GCC1: variants seen among roughly 807,000 people sequenced by gnomAD.
GCC1 encodes GRIP and coiled-coil domain containing 1, also known as GRIP and coiled-coil domain-containing protein 1.
GCC1 carries 36 observed loss-of-function variants against 62.5 expected under a neutral mutation model. The ratio of observed to expected loss-of-function variants is 0.58; its 90% confidence interval spans 0.44 to 0.76. GCC1 has a LOEUF of 0.76. Ranked by LOEUF, GCC1 falls within the 30% of genes least tolerant of loss-of-function variation. The pLI, the probability that GCC1 is intolerant of heterozygous loss-of-function variation, is 0.00. For synonymous variants in GCC1, 391 were observed against 386.8 expected (o/e 1.01, Z -0.13); for missense variants, 885 against 948.3 (o/e 0.93, Z 0.88).
rs1396097387 is a variant in GCC1, at chr7:127,584,477, G to C, written c.706C>G (p.Arg236Gly). ...KARLITQQHDRAQEQSDHALM... is the reference protein window; with the variant it reads ...KARLITQQHDGAQEQSDHALM... The stretch of plus-strand genomic sequence containing the variant: ...GCATGGTCACTCTGCTCTTGGGCCC[G>C]ATCATGCTGCTGCGTGATAAGCCGG... The change falls in exon 1 of 2, where the codon CGG (arginine) becomes GGG (glycine). Residue 236 changes from arginine to glycine, a missense_variant. Arg to Gly is a moderately radical substitution (Grantham distance 125). Transcript: ENST00000321407. 1 of 1,613,978 alleles carries C rather than the reference G, an allele frequency of 6.2e-7. No homozygotes were observed. Among genetic ancestry groups the C allele is most frequent in the South Asian group, 1.1e-5 (1 of 91,078 alleles).
chr7:127,582,416 T>C lies in GCC1; in HGVS notation c.1926A>G (p.Ala642=), dbSNP rs531835575. The C allele has an allele frequency of 1.2e-6, 2 of 1,614,084 alleles. No individual in the cohort carries two copies. The highest frequency in any genetic ancestry group is 1.7e-6 in the Non-Finnish European group (2 of 1,180,046). The part of the protein sequence containing the change: ...DTSSSDSLTQ[A]LQLAAANEPT... ...GCTCATTGGCCGCTGCAAGTTGTAA[T>C]GCTTGGGTCAGGCTATCAGAGGATG... The change falls in exon 2 of 2, where the codon GCA becomes GCG. Residue 642 remains alanine, a synonymous_variant. Transcript: ENST00000321407. The surrounding 1 kb of genome is among the most constrained non-coding windows in gnomAD (Gnocchi z 4.8).
chr7:127,584,085 A>G (rs1175558886), intron 1 of GCC1, 66 bp downstream of exon 1: 9 of 1,443,480 alleles, frequency 6.2e-6, no homozygotes, highest in South Asian at 2.5e-5. Flanking sequence ...GCAAAGGAGG[A>G]AAAAAACCCT....
At position 127,585,259 on chromosome 7, in the gene GCC1, T is replaced by A; in HGVS notation, c.-77A>T. The A allele has an allele frequency of 1.5e-6, 2 of 1,378,712 alleles. No individual in the cohort carries two copies. The highest frequency in any genetic ancestry group is 2.0e-6 in the Non-Finnish European group (2 of 1,018,472). 85.4% of individuals were successfully genotyped at this position (1,378,712 alleles called of 1,614,324 possible). Reference sequence around the variant, plus strand: ...GGCCGTGAAGACGCAGGCGGGGGCTTAAAGAAACAGCGAGCGGGCTGTCCG... The same window carrying A: ...GGCCGTGAAGACGCAGGCGGGGGCTAAAAGAAACAGCGAGCGGGCTGTCCG... On this transcript the variant is annotated 5_prime_UTR_variant, in exon 1 of 2. Coordinates refer to ENST00000321407, the MANE Select transcript of GCC1 (RefSeq NM_024523.6).
rs1794174650 is a variant in GCC1, at chr7:127,584,422, A to G, written c.761T>C (p.Leu254Pro). The G allele has an allele frequency of 1.2e-6, 2 of 1,613,896 alleles. No individual in the cohort carries two copies. Among genetic ancestry groups the G allele is most frequent in the Non-Finnish European group, 1.7e-6 (2 of 1,179,986 alleles). Residue 254 changes from leucine to proline, a missense_variant, in exon 1 of 2, where the codon CTG becomes CCG. Leu to Pro is a moderately conservative substitution (Grantham distance 98, BLOSUM62 -3). Transcript: ENST00000321407. ...ALMLRELQKL[L>P]QEERTQRQDL... ...CTGGCGCTGGGTCCTCTCCTCCTGC[A>G]GCAGCTTCTGGAGCTCACGCAGCAT... is the stretch of plus-strand genomic sequence containing the variant.
rs200740651 is a variant in GCC1 at position 127,583,004 on chromosome 7, C to T, written c.1338G>A (p.Ala446=). 70 of 1,614,126 alleles carry T rather than the reference C, an allele frequency of 4.3e-5. 1 individual carries two copies. The Middle Eastern group carries it at 9.9e-4, about 23-fold the overall frequency. ...CCAGGGTCACCTGGCTTTTCCTGGC[C>T]GCAACCTGCAGCAGCCTCTTCAGCT... The part of the protein sequence containing the change: ...MEKLKRLLQV[A]ARKSQVTLDV... Residue 446 remains alanine (A), a synonymous_variant, in exon 2 of 2, where the codon GCG becomes GCA. Coordinates refer to ENST00000321407, the MANE Select transcript of GCC1 (RefSeq NM_024523.6).
In GCC1 at chr7:127,583,282, G is replaced by A. The variant is rs1301057411; in HGVS notation, c.1060C>T (p.Gln354Ter). Reference sequence around the variant, plus strand: ...CTCTGTTCTTCTACCTGAGATTGCTGACGGAGTTGATCCTCTGCAAGAGCT... The same window carrying A: ...CTCTGTTCTTCTACCTGAGATTGCTAACGGAGTTGATCCTCTGCAAGAGCT... ...KTALAEDQLR[Q>*]QSQVEEQRVA... Residue 354 changes from glutamine to a stop codon, truncating the protein, a stop_gained, in exon 2 of 2, where the codon CAG becomes TAG. Coordinates refer to ENST00000321407, the MANE Select transcript of GCC1 (RefSeq NM_024523.6). LOFTEE classifies it high-confidence loss of function. 6 of 1,606,050 alleles carry A rather than the reference G, an allele frequency of 3.7e-6. No homozygotes were observed. The highest frequency in any genetic ancestry group is 5.1e-6 in the Non-Finnish European group (6 of 1,175,086).
rs1286631063 is a variant in GCC1, at chr7:127,581,860, T to G, written c.*154A>C. 4.7e-6 allele frequency: 3 copies of G among 636,422 alleles called. 1 individual carries two copies. Among genetic ancestry groups the G allele is most frequent in the Admixed American group, 5.8e-5 (2 of 34,214 alleles). 39.4% of individuals were successfully genotyped at this position (636,422 alleles called of 1,614,324 possible). On this transcript the variant is annotated 3_prime_UTR_variant, in exon 2 of 2. Coordinates refer to ENST00000321407, the MANE Select transcript of GCC1 (RefSeq NM_024523.6). Reference sequence around the variant, plus strand: ...AAGGATAAAGCAGCATTAATGGCATTTGGCAGAAAATCCCTTCCCACATTG... The same window carrying G: ...AAGGATAAAGCAGCATTAATGGCATGTGGCAGAAAATCCCTTCCCACATTG...
Position 127,585,565 on chromosome 7 carries a change from C to T in GCC1, c.-383G>A. On this transcript the variant is annotated 5_prime_UTR_variant, in exon 1 of 2. The change creates a new upstream start codon in the 5' untranslated region. Coordinates refer to ENST00000321407, the MANE Select transcript of GCC1 (RefSeq NM_024523.6). The stretch of plus-strand genomic sequence containing the variant: ...GGTTACGCTGAGCTCGGTCCCATCA[C>T]GACATCCTAACTAAAGCTGCCTGCC... 5.2e-6 allele frequency: 1 copy of T among 192,676 alleles called. No homozygotes were observed. Among genetic ancestry groups the T allele is most frequent in the South Asian group, 1.4e-4 (1 of 7,192 alleles). The allele number at this position is 192,676 out of a possible 1,614,324, so 11.9% of individuals were successfully genotyped here.
rs1794186806 is a variant in GCC1 at position 127,585,183 on chromosome 7, G to C, written c.-1C>G. 2 of 1,593,284 alleles carry C rather than the reference G, an allele frequency of 1.3e-6. No homozygotes were observed. Among genetic ancestry groups the C allele is most frequent in the Non-Finnish European group, 1.7e-6 (2 of 1,169,808 alleles). On this transcript the variant is annotated 5_prime_UTR_variant, in exon 1 of 2. Coordinates refer to ENST00000321407, the MANE Select transcript of GCC1 (RefSeq NM_024523.6). ...CGAAATTCATCCCAAACTTCTCCAT[G>C]GAGGGTCTGAACGGATTGCCCCACG...
Position 127,585,216 on chromosome 7 carries a change from T to C in GCC1, c.-34A>G. The C allele has an allele frequency of 6.5e-7, 1 of 1,536,698 alleles. No homozygotes were observed. ...TGAACGGATTGCCCCACGTCAGCTT[T>C]CCAGCAGAACGGGAGAGGGCCGTGA... On this transcript the variant is annotated 5_prime_UTR_variant, in exon 1 of 2. Coordinates refer to ENST00000321407, the MANE Select transcript of GCC1 (RefSeq NM_024523.6).
At position 127,582,301 on chromosome 7, in the gene GCC1, C is replaced by T. The variant is rs2117403188; in HGVS notation, c.2041G>A (p.Val681Met). ...RKQKHRLEVEVHQLQDRLLEE... is the reference protein window; with the variant it reads ...RKQKHRLEVEMHQLQDRLLEE... Reference sequence around the variant, plus strand: ...AGCAGCCGATCCTGCAGCTGATGCACCTCGACCTCCAGCCTGTGCTTCTGC... The same window carrying T: ...AGCAGCCGATCCTGCAGCTGATGCATCTCGACCTCCAGCCTGTGCTTCTGC... Residue 681 changes from valine to methionine, a missense_variant, in exon 2 of 2, where the codon GTG becomes ATG. Physicochemically the swap from Val to Met is conservative, Grantham distance 21. Transcript: ENST00000321407. This position sits in a 1 kb window ranked among gnomAD's most constrained non-coding sequence, Gnocchi z 4.8. 1 of 1,614,232 alleles carries T rather than the reference C, an allele frequency of 6.2e-7. No homozygotes were observed.
Position 127,585,277 on chromosome 7 carries a change from G to T in GCC1, c.-95C>A. ...GGGGGCTTAAAGAAACAGCGAGCGGGCTGTCCGGCGGCGGGCCGCACACCT... is the reference window on the plus strand; with the variant it reads ...GGGGGCTTAAAGAAACAGCGAGCGGTCTGTCCGGCGGCGGGCCGCACACCT... On this transcript the variant is annotated 5_prime_UTR_variant, in exon 1 of 2. Transcript: ENST00000321407. The T allele has an allele frequency of 1.6e-6, 2 of 1,223,026 alleles. No homozygotes were observed. The highest frequency in any genetic ancestry group is 2.3e-6 in the Non-Finnish European group (2 of 883,342). 75.8% of individuals were successfully genotyped at this position (1,223,026 alleles called of 1,614,324 possible).
Position 127,582,692 on chromosome 7 carries a change from A to C in GCC1, c.1650T>G (p.Asp550Glu), listed in dbSNP as rs1461122031. The part of the protein sequence containing the change: ...ELEHQHQQEA[D>E]DWKQELARLQ... Reference sequence around the variant, plus strand: ...GCCGGGCCAGCTCCTGCTTCCAGTCATCAGCCTCCTGCTGGTGTTGGTGCT... The same window carrying C: ...GCCGGGCCAGCTCCTGCTTCCAGTCCTCAGCCTCCTGCTGGTGTTGGTGCT... Residue 550 changes from aspartate (D) to glutamate (E), a missense_variant, in exon 2 of 2, where the codon GAT (aspartate) becomes GAG (glutamate). Asp to Glu is a conservative substitution (Grantham distance 45). Coordinates refer to ENST00000321407, the MANE Select transcript of GCC1 (RefSeq NM_024523.6). The surrounding 1 kb of genome is among the most constrained non-coding windows in gnomAD (Gnocchi z 4.8). The C allele has an allele frequency of 6.2e-7, 1 of 1,613,966 alleles. No homozygotes were observed. Among genetic ancestry groups the C allele is most frequent in the South Asian group, 1.1e-5 (1 of 91,078 alleles).
In GCC1 at chr7:127,582,090, T is replaced by C. The variant is rs750247630; in HGVS notation, c.2252A>G (p.His751Arg). 38 of 1,614,196 alleles carry C rather than the reference T, an allele frequency of 2.4e-5. No homozygotes were observed. Among genetic ancestry groups the C allele is most frequent in the Non-Finnish European group, 3.1e-5 (37 of 1,180,040 alleles). The change falls in exon 2 of 2, where the codon CAC (histidine) becomes CGC (arginine). Residue 751 changes from histidine (H) to arginine (R), a missense_variant. By Grantham distance (29) the His-to-Arg change is conservative (BLOSUM62 0). Transcript: ENST00000321407. The surrounding 1 kb of genome is among the most constrained non-coding windows in gnomAD (Gnocchi z 4.8). ...QTLTAILTILHFSPEEKQVIM... is the reference protein window; with the variant it reads ...QTLTAILTILRFSPEEKQVIM... ...CACTTGTTTCTCCTCTGGACTGAAG[T>C]GCAAGATAGTCAGTATGGCTGTGAG...
In GCC1 at chr7:127,581,965, T is replaced by C; in HGVS notation, c.*49A>G. 2 of 1,426,780 alleles carry C rather than the reference T, an allele frequency of 1.4e-6. No homozygotes were observed. Among genetic ancestry groups the C allele is most frequent in the Non-Finnish European group, 2.0e-6 (2 of 1,024,572 alleles). The allele number at this position is 1,426,780 out of a possible 1,614,324, so 88.4% of individuals were successfully genotyped here. ...GGCAGCAGAAACCAGAGCCTGCCCT[T>C]TCCCACATAAAAGAGGCACAGAAAT... On this transcript the variant is annotated 3_prime_UTR_variant, in exon 2 of 2. Coordinates refer to ENST00000321407, the MANE Select transcript of GCC1 (RefSeq NM_024523.6).
Position 127,582,106 on chromosome 7 carries a change from T to G in GCC1, c.2236A>C (p.Ile746Leu). The G allele has an allele frequency of 1.2e-6, 2 of 1,614,222 alleles. No homozygotes were observed. Among genetic ancestry groups the G allele is most frequent in the Non-Finnish European group, 1.7e-6 (2 of 1,180,036 alleles). Residue 746 changes from isoleucine to leucine, a missense_variant, in exon 2 of 2, where the codon ATA becomes CTA. Ile to Leu is a conservative substitution (Grantham distance 5). Transcript: ENST00000321407. This position sits in a 1 kb window ranked among gnomAD's most constrained non-coding sequence, Gnocchi z 4.8. ...GGACTGAAGTGCAAGATAGTCAGTA[T>G]GGCTGTGAGAGTCTGCTGGCGGCCC... is the stretch of plus-strand genomic sequence containing the variant. ...SLGRQQTLTA[I>L]LTILHFSPEE...
intron 1 of GCC1, 41 bp from the exon 2 acceptor site, chr7:127,583,350 C>A: frequency 6.8e-7 from 1 of 1,480,582 alleles, no homozygotes; most frequent in East Asian, 2.3e-5. Flanking sequence ...TCCACAAAAG[C>A]CCCACAGCAA....
In GCC1 at chr7:127,583,296, T is replaced by A. The variant is rs1387975068; in HGVS notation, c.1046A>T (p.Glu349Val). ...CTGAGATTGCTGACGGAGTTGATCC[T>A]CTGCAAGAGCTGTCTGCAAAACAAG... ...QQEMRKTALA[E>V]DQLRQQSQVE... Residue 349 changes from glutamate to valine, a missense_variant, in exon 2 of 2, where the codon GAG (glutamate) becomes GTG (valine). By Grantham distance (121) the Glu-to-Val change is moderately radical (BLOSUM62 -2). Transcript: ENST00000321407. 6.3e-7 allele frequency: 1 copy of A among 1,599,904 alleles called. No homozygotes were observed. The highest frequency in any genetic ancestry group is 1.7e-5 in the Admixed American group (1 of 59,232).
chr7:127,581,076 C>G lies in GCC1; in HGVS notation c.*938G>C, dbSNP rs964830267. 4 of 152,174 alleles carry G rather than the reference C, an allele frequency of 2.6e-5. No homozygotes were observed. Among genetic ancestry groups the G allele is most frequent in the South Asian group, 2.1e-4 (1 of 4,832 alleles). The allele number at this position is 152,174 out of a possible 1,614,324, so 9.4% of individuals were successfully genotyped here. ...AGCAATCTTTTGGAATTTTCTGCAG[C>G]AAATTTTCCCCTTTTGCTGTCCCTA... On this transcript the variant is annotated 3_prime_UTR_variant, in exon 2 of 2. Transcript: ENST00000321407.
Sources: gnomAD v4.1 joint callset for allele counts on GRCh38, gnomAD v4.1.1 for gene constraint, Gnocchi (gnomAD v3.1) non-coding constraint, MANE v1.5 for transcripts, NCBI Gene and HGNC (gene_info 2026-07-23, HGNC 2026-07-21) for gene names.